MAK: variants seen among roughly 807,000 people sequenced by gnomAD.
MAK encodes the protein male germ cell associated kinase.
Under a neutral mutation model 82.6 loss-of-function variants are expected in MAK, and 65 were observed. The ratio of observed to expected loss-of-function variants is 0.79; its 90% CI spans 0.64 to 0.97. The LOEUF (loss-of-function observed/expected upper bound fraction) is 0.97. Among genes scored for constraint, MAK ranks in the 50% least tolerant of loss-of-function variants. The probability of loss-of-function intolerance (pLI) is 0.00; values close to 1 mark genes in which losing one functional copy is unlikely to be tolerated. For synonymous variants in MAK, 250 were observed against 274.2 expected (o/e 0.91, Z 0.87); for missense variants, 703 against 780.2 (o/e 0.90, Z 1.18).
chr6:10,831,642 AG>A, intron 1 of MAK, among the ~76,000 whole-genome samples: 1 of 152,080 alleles, frequency 6.6e-6, no homozygotes. Context: ...GCTACTTGGG[AG>A]GCTGAGGCAC....
intron 13 of MAK, among the ~76,000 whole-genome samples, chr6:10,770,616 T>C (rs1016761803): frequency 1.3e-5 from 2 of 152,182 alleles, no homozygotes; most frequent in African/African-American, 4.8e-5. Context: ...GTGCTCTCTG[T>C]GTCTGTCTTC....
chr6:10,809,652 TTTC>T (rs1417744303), intron 5 of MAK, among the ~76,000 whole-genome samples: 1 of 152,248 alleles, frequency 6.6e-6, no homozygotes. Flanking sequence ...TCAGAACTAA[TTTC>T]TTCATTTAAA....
chr6:10,824,541 C>G (rs1278817831), intron 2 of MAK, among the ~76,000 whole-genome samples: 1 of 151,090 alleles, frequency 6.6e-6, no homozygotes, highest in Non-Finnish European at 1.5e-5. Context: ...TTCCACTGCT[C>G]CTGCCTTGTC....
At chr6:10,818,059 C>A in intron 3 of MAK, 88 bp from the exon 4 acceptor site, 1 of 690,692 alleles carries the variant, frequency 1.4e-6, no homozygotes, top group Non-Finnish European at 2.4e-6. Flanking sequence ...GTAATAATTA[C>A]CTTATGTAAT....
chr6:10,780,521 C>A (rs1773867101), intron 11 of MAK, among the ~76,000 whole-genome samples: 1 of 140,852 alleles, frequency 7.1e-6, no homozygotes, highest in Non-Finnish European at 1.5e-5. Context: ...GTAGGGCGAT[C>A]TCAGCTCACT....
In MAK at chr6:10,804,960, TCTA is replaced by T. The variant is rs1776294857; in HGVS notation, c.492-1072_492-1070del. ...GTGGGGTTTGCACATTCTCCCCAAG[TCTA>T]CAAGTTTTCTCCAGGACTCCAGCTT... is the stretch of plus-strand genomic sequence containing the variant. On this transcript the variant is annotated intron_variant, in intron 6 of 14. Transcript: ENST00000354489. Among the ~76,000 whole-genome samples, 8 of 151,736 alleles carry T rather than the reference TCTA, an allele frequency of 5.3e-5. No homozygotes were observed. The South Asian group carries it at 1.7e-3, about 32-fold the overall frequency.
At chr6:10,767,036 G>A (rs927937694) in intron 14 of MAK, among the ~76,000 whole-genome samples, 21 of 147,836 alleles carry the variant, frequency 1.4e-4, no homozygotes, top group South Asian at 4.1e-4. Flanking sequence ...CCCAGATCTC[G>A]TGGCAGGGCA....
chr6:10,802,343 T>C, intron 7 of MAK: 3 of 355,292 alleles, frequency 8.4e-6, no homozygotes. Context: ...TCTGGCTCTG[T>C]TATCCAGGTT....
intron 4 of MAK, among the ~76,000 whole-genome samples, chr6:10,814,725 T>C (rs1261757978): frequency 6.6e-6 from 1 of 151,456 alleles, no homozygotes; most frequent in Non-Finnish European, 1.5e-5. Flanking sequence ...TTCAGTTCTA[T>C]TCTGCATATT....
chr6:10,802,086 T>TGGGGA (rs1561971635), intron 7 of MAK, 27 bp from the exon 8 acceptor site: 1 of 1,603,778 alleles, frequency 6.2e-7, no homozygotes, highest in East Asian at 2.2e-5. Flanking sequence ...TAAGTGCAGG[T>TGGGGA]GGGGAGGGCA....
At chr6:10,780,884 TTCTC>T (rs754725039) in intron 11 of MAK, among the ~76,000 whole-genome samples, 10 of 152,162 alleles carry the variant, frequency 6.6e-5, no homozygotes, top group East Asian at 3.9e-4. Flanking sequence ...TTTTTTCTTT[TTCTC>T]TCTCTCTCAT....
chr6:10,773,127 G>A lies in MAK; in HGVS notation c.1598-19C>T, dbSNP rs1391965314. 2.3e-6 allele frequency: 3 copies of A among 1,310,092 alleles called. No individual in the cohort carries two copies. In the African/African-American group the frequency reaches 4.4e-5, roughly 19 times the overall value. The allele number at this position is 1,310,092 out of a possible 1,614,324, so 81.2% of individuals were successfully genotyped here. A position where few individuals can be genotyped will look rare whatever the true frequency, so the allele number is the denominator to read the frequency against. On this transcript the variant is annotated intron_variant, in intron 12 of 14. Transcript: ENST00000354489. Reference sequence around the variant, plus strand: ...CTTTCTTCTAAAGAGAAGACAGATGGAAAGAAAGAATAATAGTAAGGAGAA... The same window carrying A: ...CTTTCTTCTAAAGAGAAGACAGATGAAAAGAAAGAATAATAGTAAGGAGAA...
chr6:10,798,724 T>G (rs551999818), intron 8 of MAK, among the ~76,000 whole-genome samples: 57 of 151,968 alleles, frequency 3.8e-4, no homozygotes, highest in Non-Finnish European at 6.9e-4. Flanking sequence ...ATTTAAAAAT[T>G]TTATTTTACA....
At chr6:10,838,147 G>A (rs1779278133) in intron 1 of MAK, 1 of 152,460 alleles carries the variant, frequency 6.6e-6, no homozygotes, top group Non-Finnish European at 1.5e-5. Flanking sequence ...AGATCCCGGA[G>A]GAGAGTTTAG....
At position 10,796,031 on chromosome 6, in the gene MAK, C is replaced by T. The variant is rs772828352; in HGVS notation, c.1110G>A (p.Thr370=). The part of the protein sequence containing the change: ...KQQSQEKPPQ[T]LFPSIVKNMP... ...TGTTTTTGACGATGCTCGGGAATAG[C>T]GTTTGTGGCGGTTTCTCCTGACTCT... The change falls in exon 9 of 15, where the codon ACG becomes ACA. Residue 370 remains threonine, a synonymous_variant. Coordinates refer to ENST00000354489, the MANE Select transcript of MAK (RefSeq NM_001242957.3). 1.2e-6 allele frequency: 2 copies of T among 1,614,000 alleles called. No individual in the cohort carries two copies. Among genetic ancestry groups the T allele is most frequent in the East Asian group, 2.2e-5 (1 of 44,878 alleles).
chr6:10,833,606 AAATAAT>A (rs36209814), intron 1 of MAK, among the ~76,000 whole-genome samples: 63,620 of 147,640 alleles, frequency 0.43, 13,714 homozygotes, highest in East Asian at 0.48. Context: ...CTCTGTCTCA[AAATAAT>A]AATAATAATA....
At chr6:10,779,111 C>G (rs935545609) in intron 11 of MAK, among the ~76,000 whole-genome samples, 1 of 117,390 alleles carries the variant, frequency 8.5e-6, no homozygotes, top group African/African-American at 3.4e-5. Flanking sequence ...CTGGGCAACA[C>G]AGCAACACTT....
intron 10 of MAK, among the ~76,000 whole-genome samples, chr6:10,790,816 G>A (rs1004366169): frequency 6.6e-6 from 1 of 152,170 alleles, no homozygotes; most frequent in Admixed American, 6.5e-5. Flanking sequence ...GGGGCCTGGC[G>A]GGAGGTGTTT....
intron 11 of MAK, among the ~76,000 whole-genome samples, chr6:10,783,743 G>A (rs1337160338): frequency 2.6e-5 from 4 of 152,166 alleles, no homozygotes; most frequent in East Asian, 1.9e-4. Flanking sequence ...CAGATTGGCT[G>A]GGCACAGTGG....
Sources: allele counts gnomAD v4.1 joint callset (sites outside exome capture counted in the v4.1 genomes callset), GRCh38; gene constraint gnomAD v4.1.1; transcripts MANE v1.5; gene names NCBI Gene and HGNC (gene_info 2026-07-23, HGNC 2026-07-21).